Variants in BAZ2B observed in about 807,000 individuals in gnomAD.
BAZ2B encodes bromodomain adjacent to zinc finger domain 2B.
BAZ2B carries 91 observed loss-of-function variants against 246.0 expected under a neutral mutation model. That is an observed-to-expected ratio of 0.37 (90% CI 0.31 to 0.44). The LOEUF is 0.44. Among genes scored for constraint, BAZ2B ranks in the 20% least tolerant of loss-of-function variants. BAZ2B has a pLI of 1.00. For missense variants in BAZ2B, 2,332 were observed against 2,533.7 expected (o/e 0.92, Z 1.71); for synonymous variants, 855 against 860.0 (o/e 0.99, Z 0.10).
At chr2:159,344,528 C>T (rs1369637537) in intron 31 of BAZ2B, among the ~76,000 whole-genome samples, 4 of 79,712 alleles carry the variant, frequency 5.0e-5, no homozygotes, top group African/African-American at 1.6e-4. Context: ...GAGTGAAACT[C>T]CGTCTCAAAA....
At chr2:159,326,733 A>G (rs2063765147) in intron 34 of BAZ2B, among the ~76,000 whole-genome samples, 1 of 152,218 alleles carries the variant, frequency 6.6e-6, no homozygotes, top group Admixed American at 6.5e-5. Context: ...TACATGCAAA[A>G]AAGAACTCTC....
intron 2 of BAZ2B, among the ~76,000 whole-genome samples, chr2:159,530,821 T>C (rs1236301314): frequency 6.6e-6 from 1 of 151,908 alleles, no homozygotes; most frequent in Non-Finnish European, 1.5e-5. Flanking sequence ...AATACAAAAA[T>C]TACCCAGGCA....
chr2:159,677,023 T>C, the BAZ2B span, among the ~76,000 whole-genome samples: 3 of 145,614 alleles, frequency 2.1e-5, no homozygotes, highest in Non-Finnish European at 3.0e-5. Context: ...GAGTTGTCAA[T>C]TAAAATAAAA....
intron 3 of BAZ2B, among the ~76,000 whole-genome samples, chr2:159,454,209 C>A (rs551517656): frequency 1.3e-5 from 2 of 152,170 alleles, no homozygotes; most frequent in South Asian, 4.1e-4. Flanking sequence ...TGAAATAAGT[C>A]CAGGATCTGT....
intron 3 of BAZ2B, chr2:159,462,943 C>CT: frequency 8.0e-7 from 1 of 1,242,718 alleles, no homozygotes; most frequent in Admixed American, 1.7e-5. Flanking sequence ...GGGTCACTTG[C>CT]TTTTTTCTAT....
intron 3 of BAZ2B, among the ~76,000 whole-genome samples, chr2:159,476,636 C>G (rs938099607): frequency 6.6e-6 from 1 of 152,124 alleles, no homozygotes; most frequent in Admixed American, 6.5e-5. Context: ...AATCTGTACT[C>G]AAGGATGCTA....
At chr2:159,572,688 T>A (rs971219422) in intron 1 of BAZ2B, among the ~76,000 whole-genome samples, 5 of 152,214 alleles carry the variant, frequency 3.3e-5, no homozygotes, top group Non-Finnish European at 7.3e-5. Context: ...TTGTATTGAA[T>A]TTTTCCATAT....
chr2:159,355,751 A>G (rs1157807224), intron 27 of BAZ2B, among the ~76,000 whole-genome samples: 1 of 152,160 alleles, frequency 6.6e-6, no homozygotes, highest in Non-Finnish European at 1.5e-5. Context: ...AGATCAACAC[A>G]GAAGGTGGGT....
rs372819831 is a variant in BAZ2B at position 159,532,900 on chromosome 2, G to A, written c.-3+22923C>T. Among the ~76,000 whole-genome samples, 398 of 152,200 alleles carry A rather than the reference G, an allele frequency of 2.6e-3. 26 individuals carry two copies. In the South Asian group the frequency reaches 0.08, roughly 31 times the overall value. On this transcript the variant is annotated intron_variant, in intron 2 of 36. Coordinates refer to ENST00000392783, the MANE Select transcript of BAZ2B (RefSeq NM_013450.4). ...AATGTGCAACATTAAAATATACATG[G>A]AGAGACAGAAAAAGTATCTCCCAGA...
At chr2:159,676,814 A>T in the BAZ2B span, among the ~76,000 whole-genome samples, 2 of 152,054 alleles carry the variant, frequency 1.3e-5, no homozygotes, top group South Asian at 2.1e-4. Flanking sequence ...GTGATAAAAA[A>T]GTTTTGGAAA....
chr2:159,531,747 C>T (rs1206141881), intron 2 of BAZ2B, among the ~76,000 whole-genome samples: 2 of 152,120 alleles, frequency 1.3e-5, no homozygotes. Context: ...CCTGCTTTCA[C>T]CTTGACATCA....
At chr2:159,597,165 T>C (rs1690912805) in intron 1 of BAZ2B, among the ~76,000 whole-genome samples, 2 of 152,278 alleles carry the variant, frequency 1.3e-5, no homozygotes, top group Admixed American at 1.3e-4. Context: ...GAGCATTTTT[T>C]CATGTTTGTT....
At chr2:159,500,478 C>T (rs536432611) in intron 2 of BAZ2B, among the ~76,000 whole-genome samples, 12 of 152,226 alleles carry the variant, frequency 7.9e-5, no homozygotes, top group African/African-American at 2.6e-4. Context: ...TGAAGTGATG[C>T]CTCCAGCTTT....
chr2:159,675,141 C>T, the BAZ2B span, among the ~76,000 whole-genome samples: 3 of 152,114 alleles, frequency 2.0e-5, no homozygotes, highest in African/African-American at 7.2e-5. Context: ...GAGGCTCTTA[C>T]TTGTAATCCT....
chr2:159,337,576 A>G lies in BAZ2B; in HGVS notation c.5651T>C (p.Ile1884Thr), dbSNP rs768213384. ...VTRLADLERN[I>T]ERRIEEDIAP... ...GGGGCTCTTCAGATACCTTCTTTCA[A>G]TGTTCCGCTCCAAATCAGCCAGCCT... The change falls in exon 32 of 37, where the codon ATT becomes ACT. Residue 1884 changes from isoleucine (I) to threonine (T), a missense_variant. Ile to Thr is a moderately conservative substitution (Grantham distance 89). Around this residue, in one of 9 missense-constraint regions of BAZ2B, gnomAD observed 8 missense variants for 26.8 expected, o/e 0.30. Coordinates refer to ENST00000392783, the MANE Select transcript of BAZ2B (RefSeq NM_013450.4). 3 of 1,614,130 alleles carry G rather than the reference A, an allele frequency of 1.9e-6. No individual in the cohort carries two copies. The highest frequency in any genetic ancestry group is 2.2e-5 in the South Asian group (2 of 91,080).
chr2:159,679,215 T>G, the BAZ2B span, among the ~76,000 whole-genome samples: 1 of 133,160 alleles, frequency 7.5e-6, no homozygotes, highest in East Asian at 2.1e-4. Context: ...GAGCTTGCAA[T>G]GAGCCAAGAT....
At chr2:159,398,132 A>AT (rs995709938) in intron 18 of BAZ2B, 5 of 152,162 alleles carry the variant, frequency 3.3e-5, no homozygotes, top group African/African-American at 1.2e-4. Flanking sequence ...TTTACAAAGT[A>AT]TAACTGTGGT....
At chr2:159,575,181 A>G (rs1685013118) in intron 1 of BAZ2B, among the ~76,000 whole-genome samples, 1 of 152,028 alleles carries the variant, frequency 6.6e-6, no homozygotes, top group Admixed American at 6.6e-5. Context: ...GAGTTGGGGG[A>G]ACAGGAAATG....
intron 1 of BAZ2B, among the ~76,000 whole-genome samples, chr2:159,612,129 A>T (rs1578950681): frequency 6.6e-6 from 1 of 151,968 alleles, no homozygotes; most frequent in Admixed American, 6.6e-5. Flanking sequence ...GTTATTTTAG[A>T]TCATAGTTTG....
Sources: allele counts gnomAD v4.1 joint callset (sites outside exome capture counted in the v4.1 genomes callset), GRCh38; gene constraint gnomAD v4.1.1; regional missense constraint gnomAD v4.1.1; transcripts MANE v1.5; gene names NCBI Gene and HGNC (gene_info 2026-07-23, HGNC 2026-07-21).